Variants in INHBA observed in about 807,000 individuals in gnomAD.
INHBA encodes the protein inhibin beta A chain.
Under a neutral mutation model 29.0 loss-of-function variants are expected in INHBA, and 1 was observed. That is an observed-to-expected ratio of 0.03 (90% confidence interval 0.01 to 0.16). The LOEUF (loss-of-function observed/expected upper bound fraction) is 0.16. Among genes scored for constraint, INHBA ranks in the 10% least tolerant of loss-of-function variants. The pLI is 1.00. For synonymous variants in INHBA, 242 were observed against 216.8 expected (o/e 1.12, Z -1.02); for missense variants, 376 against 545.4 (o/e 0.69, Z 3.09).
At chr7:41,695,286 A>G (rs567591095) in intron 2 of INHBA, among the ~76,000 whole-genome samples, 1 of 152,304 alleles carries the variant, frequency 6.6e-6, no homozygotes, top group East Asian at 1.9e-4. Context: ...TAAACTTACC[A>G]TGGGATGGGG....
chr7:41,704,611 AGTGTGTGTGTGTGTGTGTGT>A (rs60031309), upstream of INHBA, among the ~76,000 whole-genome samples: 95 of 101,300 alleles, frequency 9.4e-4, no homozygotes, highest in Admixed American at 5.0e-3. Context: ...CACACAAAGT[AGTGTGTGTGTGTGTGTGTGT>A]GTGTGTGTGT....
rs1425813756 is a variant in INHBA, at chr7:41,690,345, C to T, written c.586G>A (p.Gly196Ser). Residue 196 changes from glycine (G) to serine (S), a missense_variant, in exon 3 of 3, where the codon GGC becomes AGC. Coordinates refer to ENST00000242208, the MANE Select transcript of INHBA (RefSeq NM_002192.4). ...LDTGEEAEEV[G>S]LKGERSELLL... ...AGTTCACTCCTCTCCCCCTTTAAGC[C>T]CACTTCCTCGGCCTCTTCCCCTGTG... 5 of 1,614,042 alleles carry T rather than the reference C, an allele frequency of 3.1e-6. No homozygotes were observed. The highest frequency in any genetic ancestry group is 1.1e-5 in the South Asian group (1 of 91,082).
chr7:41,691,838 G>A (rs1794530576), intron 2 of INHBA: 1 of 152,182 alleles, frequency 6.6e-6, no homozygotes, highest in Non-Finnish European at 1.5e-5. Flanking sequence ...GGCGTCCTTA[G>A]CATTGAGTTC....
At position 41,685,932 on chromosome 7, in the gene INHBA, G is replaced by A. The variant is rs1794386152; in HGVS notation, c.*3718C>T. 6.6e-6 allele frequency: 1 copy of A among 152,090 alleles called. No homozygotes were observed. Among genetic ancestry groups the A allele is most frequent in the Admixed American group, 6.6e-5 (1 of 15,260 alleles). 9.4% of individuals were successfully genotyped at this position (152,090 alleles called of 1,614,324 possible). A position where few individuals can be genotyped will look rare whatever the true frequency, so the allele number is the denominator to read the frequency against. On this transcript the variant is annotated 3_prime_UTR_variant, in exon 3 of 3. Coordinates refer to ENST00000242208, the MANE Select transcript of INHBA (RefSeq NM_002192.4). ...ACTAAGTTTTTCCCTACATTGAAAA[G>A]AGAAGTTGCCAAAAGGTGCACAGGA...
rs1179829589 is a variant in INHBA at position 41,685,846 on chromosome 7, C to G, written c.*3804G>C. On this transcript the variant is annotated 3_prime_UTR_variant, in exon 3 of 3. Transcript: ENST00000242208. ...GGTTTAATTTAAACACATACAATGT[C>G]CACCCCCAAACCTTCTGCCCACATC... The G allele has an allele frequency of 6.6e-6, 1 of 152,122 alleles. No individual in the cohort carries two copies. Among genetic ancestry groups the G allele is most frequent in the Non-Finnish European group, 1.5e-5 (1 of 67,998 alleles). 9.4% of individuals were successfully genotyped at this position (152,122 alleles called of 1,614,324 possible).
At position 41,690,535 on chromosome 7, in the gene INHBA, G is replaced by A. The variant is rs1794479179; in HGVS notation, c.396C>T (p.Ala132=). ...AAATCTCGAAGTGCAGCGTCTTCCT[G>A]GCTGTTCCTGAAGATGAAAGACAGC... ...EIITFAESGT[A]RKTLHFEISK... is the part of the protein sequence containing the mutation. Residue 132 remains alanine, a synonymous_variant, in exon 3 of 3, where the codon GCC becomes GCT. Coordinates refer to ENST00000242208, the MANE Select transcript of INHBA (RefSeq NM_002192.4). 6.3e-7 allele frequency: 1 copy of A among 1,595,050 alleles called. No individual in the cohort carries two copies. The highest frequency in any genetic ancestry group is 1.3e-5 in the African/African-American group (1 of 74,192).
In INHBA at chr7:41,689,645, C is replaced by A. The variant is rs763904229; in HGVS notation, c.*5G>T. 36 of 1,550,824 alleles carry A rather than the reference C, an allele frequency of 2.3e-5. No individual in the cohort carries two copies. The East Asian group carries it at 4.3e-4, about 19-fold the overall frequency. ...TTGCTCCCTTTCCCCCTGGGCTGGG[C>A]AACTCTATGAGCACCCACACTCCTC... On this transcript the variant is annotated 3_prime_UTR_variant, in exon 3 of 3. Transcript: ENST00000242208.
At position 41,687,528 on chromosome 7, in the gene INHBA, T is replaced by A. The variant is rs1370510015; in HGVS notation, c.*2122A>T. The A allele has an allele frequency of 1.3e-5, 2 of 152,204 alleles. No homozygotes were observed. Among genetic ancestry groups the A allele is most frequent in the Non-Finnish European group, 2.9e-5 (2 of 68,024 alleles). 9.4% of individuals were successfully genotyped at this position (152,204 alleles called of 1,614,324 possible). On this transcript the variant is annotated 3_prime_UTR_variant, in exon 3 of 3. Coordinates refer to ENST00000242208, the MANE Select transcript of INHBA (RefSeq NM_002192.4). ...AGATAAAAACTTGGCTTTAAGCATGTACTTTGATATTTATAAAACAAAGGT... is the reference window on the plus strand; with the variant it reads ...AGATAAAAACTTGGCTTTAAGCATGAACTTTGATATTTATAAAACAAAGGT...
intron 2 of INHBA, among the ~76,000 whole-genome samples, chr7:41,698,985 A>G (rs1794710714): frequency 6.6e-6 from 1 of 152,272 alleles, no homozygotes; most frequent in Non-Finnish European, 1.5e-5. Context: ...CCATGAAAGT[A>G]ACACGGTATT....
At chr7:41,703,832 T>C (rs1208096147), upstream of INHBA, among the ~76,000 whole-genome samples, 1 of 152,040 alleles carries the variant, frequency 6.6e-6, no homozygotes, top group East Asian at 1.9e-4. Flanking sequence ...ATCATTCTTT[T>C]TTACCAGAAC....
chr7:41,696,864 A>AACCC (rs1355995357), intron 2 of INHBA, among the ~76,000 whole-genome samples: 1 of 152,194 alleles, frequency 6.6e-6, no homozygotes, highest in Non-Finnish European at 1.5e-5. Flanking sequence ...TCCAAGGGGT[A>AACCC]GACTTATGTG....
intron 2 of INHBA, among the ~76,000 whole-genome samples, chr7:41,695,323 C>T (rs1361172600): frequency 2.6e-5 from 4 of 152,168 alleles, no homozygotes; most frequent in Non-Finnish European, 4.4e-5. Context: ...CTGTAAAAAG[C>T]GTCTGTTCCT....
chr7:41,703,937 C>A (rs1020315073), upstream of INHBA, among the ~76,000 whole-genome samples: 5 of 152,000 alleles, frequency 3.3e-5, no homozygotes, highest in Non-Finnish European at 7.4e-5. Context: ...GCTGGTCAGG[C>A]TTTTTTTGTG....
chr7:41,699,969 G>A lies in INHBA; in HGVS notation c.388+18C>T. ...CACCCCCCACCCCTCCCCACCCCCT[G>A]CCAATGCCAGCACCAACCTGACTCG... On this transcript the variant is annotated intron_variant, in intron 2 of 2. Coordinates refer to ENST00000242208, the MANE Select transcript of INHBA (RefSeq NM_002192.4). 4 of 1,040,538 alleles carry A rather than the reference G, an allele frequency of 3.8e-6. No homozygotes were observed. Among genetic ancestry groups the A allele is most frequent in the East Asian group, 7.8e-5 (2 of 25,750 alleles). 64.5% of individuals were successfully genotyped at this position (1,040,538 alleles called of 1,614,324 possible).
intron 2 of INHBA, among the ~76,000 whole-genome samples, chr7:41,693,027 T>C (rs1794557037): frequency 1.3e-5 from 2 of 152,206 alleles, no homozygotes; most frequent in East Asian, 1.9e-4. Flanking sequence ...TGGGCACATC[T>C]GCCTTGCCCC....
At chr7:41,702,095 C>T (rs1794810137) in intron 1 of INHBA, among the ~76,000 whole-genome samples, 2 of 152,132 alleles carry the variant, frequency 1.3e-5, no homozygotes, top group African/African-American at 4.8e-5. Flanking sequence ...CACACATAAG[C>T]CCTCTTGGTT....
chr7:41,703,734 C>T (rs539010838), upstream of INHBA, among the ~76,000 whole-genome samples: 15 of 151,554 alleles, frequency 9.9e-5, no homozygotes, highest in Middle Eastern at 3.4e-3. Context: ...AGTATCCTTC[C>T]CAGGTCTTTA....
rs769393297 is a variant in INHBA, at chr7:41,690,381, C to T, written c.550G>A (p.Gly184Ser). The change falls in exon 3 of 3, where the codon GGC (glycine) becomes AGC (serine). Residue 184 changes from glycine to serine, a missense_variant. Gly to Ser is a moderately conservative substitution (Grantham distance 56, BLOSUM62 0). Coordinates refer to ENST00000242208, the MANE Select transcript of INHBA (RefSeq NM_002192.4). ...GCCTCTTCCCCTGTGTCCAAGCTGCCCTGCGGGTGCTTCTGCTGCTGGAAG... is the reference window on the plus strand; with the variant it reads ...GCCTCTTCCCCTGTGTCCAAGCTGCTCTGCGGGTGCTTCTGCTGCTGGAAG... ...RLFQQQKHPQ[G>S]SLDTGEEAEE... is the part of the protein sequence containing the mutation. The T allele has an allele frequency of 6.2e-7, 1 of 1,614,042 alleles. No individual in the cohort carries two copies. The highest frequency in any genetic ancestry group is 1.7e-5 in the Admixed American group (1 of 60,012).
rs751150931 is a variant in INHBA at position 41,700,105 on chromosome 7, A to C, written c.270T>G (p.Leu90=). The change falls in exon 2 of 3, where the codon CTT becomes CTG. Residue 90 remains leucine (L), a synonymous_variant. Coordinates refer to ENST00000242208, the MANE Select transcript of INHBA (RefSeq NM_002192.4). ...KAALLNAIRK[L]HVGKVGENGY... ...CGTTCTCCCCGACTTTGCCCACATG[A>C]AGCTTTCTGATCGCGTTCAGAAGCG... is the stretch of plus-strand genomic sequence containing the variant. 9 of 1,613,820 alleles carry C rather than the reference A, an allele frequency of 5.6e-6. No homozygotes were observed. The highest frequency in any genetic ancestry group is 7.6e-6 in the Non-Finnish European group (9 of 1,179,964).
Sources: gnomAD v4.1 joint callset for allele counts (sites outside exome capture counted in the v4.1 genomes callset) on GRCh38, gnomAD v4.1.1 for gene constraint, MANE v1.5 for transcripts, NCBI Gene and HGNC (gene_info 2026-07-23, HGNC 2026-07-21) for gene names.